Variants in ATRN observed in about 807,000 individuals in gnomAD.
The protein encoded by ATRN is attractin, also known as attractin-2.
ATRN carries 54 observed loss-of-function variants against 178.7 expected under a neutral mutation model. The ratio of observed to expected loss-of-function variants is 0.30; its 90% confidence interval spans 0.24 to 0.38. The LOEUF is 0.38. Among genes scored for constraint, ATRN ranks in the 10% least tolerant of loss-of-function variants. The pLI, the probability that ATRN is intolerant of heterozygous loss-of-function variation, is 1.00. For synonymous variants in ATRN, 636 were observed against 663.0 expected (o/e 0.96, Z 0.63); for missense variants, 1,443 against 1,815.1 (o/e 0.79, Z 3.73).
At position 3,471,356 on chromosome 20, in the gene ATRN, C is replaced by A; in HGVS notation, c.249C>A (p.Ala83=). 6.7e-7 allele frequency: 1 copy of A among 1,482,174 alleles called. No individual in the cohort carries two copies. Among genetic ancestry groups the A allele is most frequent in the Non-Finnish European group, 8.9e-7 (1 of 1,125,612 alleles). 91.8% of individuals were successfully genotyped at this position (1,482,174 alleles called of 1,614,324 possible). ...TGCTGCTGCCCTGTGAGGCCGAGGCCGCGGCGGCGGCGGCGGCGGTGTCGG... is the reference window on the plus strand; with the variant it reads ...TGCTGCTGCCCTGTGAGGCCGAGGCAGCGGCGGCGGCGGCGGCGGTGTCGG... ...LLLLLPCEAE[A]AAAAAAVSGS... The change falls in exon 1 of 29, where the codon GCC becomes GCA. Residue 83 remains alanine (A), a synonymous_variant. Transcript: ENST00000262919.
At chr20:3,549,092 A>T in intron 5 of ATRN, 78 bp from the exon 6 acceptor site, 1 of 1,181,552 alleles carries the variant, frequency 8.5e-7, no homozygotes, top group Non-Finnish European at 1.2e-6. Context: ...TATTTGTTAC[A>T]TTTAGATAAT....
Position 3,596,395 on chromosome 20 carries a change from A to T in ATRN, c.3435A>T (p.Arg1145=). 2.5e-6 allele frequency: 4 copies of T among 1,613,780 alleles called. No individual in the cohort carries two copies. The highest frequency in any genetic ancestry group is 3.4e-6 in the Non-Finnish European group (4 of 1,179,662). ...DECQLCEVEN[R]YQGNPLRGTC... is the part of the protein sequence containing the mutation. ...CCCCCAGATGTGAGGTAGAAAATCG[A>T]TACCAAGGAAACCCTCTCAGAGGAA... Residue 1145 remains arginine, a synonymous_variant, in exon 21 of 29, where the codon CGA becomes CGT. Transcript: ENST00000262919.
intron 1 of ATRN, among the ~76,000 whole-genome samples, chr20:3,524,512 A>G (rs937754297): frequency 6.6e-6 from 1 of 152,214 alleles, no homozygotes; most frequent in Admixed American, 6.5e-5. Flanking sequence ...TCAATGAGAC[A>G]GAAAATTAAC....
At chr20:3,584,139 C>A in intron 17 of ATRN, 56 bp downstream of exon 17, 2 of 1,544,420 alleles carry the variant, frequency 1.3e-6, no homozygotes, top group Non-Finnish European at 1.8e-6. Context: ...TAGGCAACAA[C>A]TCAGCCATGA....
At chr20:3,641,747 T>C (rs1341018080) in intron 27 of ATRN, among the ~76,000 whole-genome samples, 1 of 151,844 alleles carries the variant, frequency 6.6e-6, no homozygotes, top group Non-Finnish European at 1.5e-5. Context: ...GTAAGCACCT[T>C]CCGAGAACAA....
At chr20:3,584,163 G>A in intron 17 of ATRN, 80 bp downstream of exon 17, 1 of 1,439,602 alleles carries the variant, frequency 6.9e-7, no homozygotes, top group Non-Finnish European at 9.5e-7. Flanking sequence ...TGTGCTGTCA[G>A]CCTCTGAACA....
chr20:3,504,810 C>G (rs1474594168), intron 1 of ATRN, among the ~76,000 whole-genome samples: 1 of 151,662 alleles, frequency 6.6e-6, no homozygotes, highest in African/African-American at 2.4e-5. Context: ...AACCATCTAA[C>G]ACTGAAGATG....
intron 1 of ATRN, among the ~76,000 whole-genome samples, chr20:3,513,657 C>T (rs950083916): frequency 3.3e-5 from 5 of 152,128 alleles, no homozygotes; most frequent in Non-Finnish European, 7.3e-5. Context: ...AAGTCATTGG[C>T]AGCTTGATGG....
intron 24 of ATRN, among the ~76,000 whole-genome samples, chr20:3,605,681 C>T (rs1014707531): frequency 6.6e-6 from 1 of 152,140 alleles, no homozygotes; most frequent in East Asian, 1.9e-4. Flanking sequence ...CACATGTTCT[C>T]ACTCGTAAGT....
intron 24 of ATRN, among the ~76,000 whole-genome samples, chr20:3,617,777 G>A (rs1270802922): frequency 6.6e-6 from 1 of 151,990 alleles, no homozygotes; most frequent in Non-Finnish European, 1.5e-5. Flanking sequence ...TCTGCTGGGC[G>A]GGCCTGGAGC....
rs910006573 is a variant in ATRN, at chr20:3,648,390, G to A, written c.*1543G>A. The A allele has an allele frequency of 1.3e-5, 2 of 152,662 alleles. No individual in the cohort carries two copies. Among genetic ancestry groups the A allele is most frequent in the Non-Finnish European group, 2.9e-5 (2 of 68,072 alleles). 9.5% of individuals were successfully genotyped at this position (152,662 alleles called of 1,614,324 possible). A position where few individuals can be genotyped will look rare whatever the true frequency, so the allele number is the denominator to read the frequency against. On this transcript the variant is annotated 3_prime_UTR_variant, in exon 29 of 29. Transcript: ENST00000262919. Reference sequence around the variant, plus strand: ...GTGTTTTCCCCATTTATGGTGCTCTGTATTCTGGCATTATGCAGCAGCCTC... The same window carrying A: ...GTGTTTTCCCCATTTATGGTGCTCTATATTCTGGCATTATGCAGCAGCCTC...
At chr20:3,492,873 ACG>A (rs34527694) in intron 1 of ATRN, among the ~76,000 whole-genome samples, 20,206 of 121,470 alleles carry the variant, frequency 0.17, 1,679 homozygotes, top group African/African-American at 0.23. Context: ...GCGCGTGCGC[ACG>A]CACACACACA....
At chr20:3,598,072 A>G (rs2086556460) in intron 22 of ATRN, 72 bp downstream of exon 22, 1 of 990,612 alleles carries the variant, frequency 1.0e-6, no homozygotes, top group Non-Finnish European at 1.6e-6. Context: ...TTACGGATGG[A>G]CGTACTGCCT....
intron 16 of ATRN, among the ~76,000 whole-genome samples, 173 bp from the exon 17 acceptor site, chr20:3,583,725 T>C (rs1434208538): frequency 6.6e-6 from 1 of 151,970 alleles, no homozygotes; most frequent in Admixed American, 6.5e-5. Context: ...GGAGAATCAC[T>C]TGAACCGGGG....
chr20:3,515,211 TA>T (rs2085190719), intron 1 of ATRN, among the ~76,000 whole-genome samples: 1 of 152,174 alleles, frequency 6.6e-6, no homozygotes, highest in Non-Finnish European at 1.5e-5. Context: ...AAACAGATGT[TA>T]TGCTTGCATT....
chr20:3,510,958 T>C (rs2085118585), intron 1 of ATRN, among the ~76,000 whole-genome samples: 1 of 152,192 alleles, frequency 6.6e-6, no homozygotes, highest in South Asian at 2.1e-4. Context: ...CTTGGCCTAA[T>C]TGACATATAC....
chr20:3,573,044 G>T, intron 12 of ATRN, 93 bp downstream of exon 12: 1 of 1,142,580 alleles, frequency 8.8e-7, no homozygotes, highest in Non-Finnish European at 1.2e-6. Context: ...TACTTTTTAT[G>T]TTTACCTTAT....
chr20:3,611,671 G>A (rs1243521032), intron 24 of ATRN, among the ~76,000 whole-genome samples: 1 of 152,250 alleles, frequency 6.6e-6, no homozygotes, highest in Admixed American at 6.5e-5. Flanking sequence ...GAACCTGGGA[G>A]GCAGAGGTTA....
chr20:3,545,412 A>G (rs2085686895), intron 3 of ATRN, among the ~76,000 whole-genome samples: 1 of 151,766 alleles, frequency 6.6e-6, no homozygotes, highest in Admixed American at 6.6e-5. Context: ...TCAGCAATAT[A>G]TGTGTGGTAT....
Sources: allele counts gnomAD v4.1 joint callset (sites outside exome capture counted in the v4.1 genomes callset), GRCh38; gene constraint gnomAD v4.1.1; transcripts MANE v1.5; gene names NCBI Gene and HGNC (gene_info 2026-07-23, HGNC 2026-07-21).